Variants in CTH observed in about 807,000 individuals in gnomAD.
CTH encodes the protein cystathionine gamma-lyase, also known as cystathionase (cystathionine gamma-lyase).
In CTH, 41 loss-of-function variants were observed where a neutral mutation model predicts 50.6. The ratio of observed to expected loss-of-function variants is 0.81; its 90% CI spans 0.63 to 1.05. The LOEUF is 1.05. CTH is among the 50% of genes least tolerant of loss of function. CTH has a pLI of 0.00. For synonymous variants in CTH, 156 were observed against 168.9 expected, an observed-to-expected ratio of 0.92 and a Z score of 0.59; for missense variants, 470 against 492.6, an observed-to-expected ratio of 0.95 and a Z score of 0.43.
intron 5 of CTH, among the ~76,000 whole-genome samples, chr1:70,425,706 G>A (rs79687430): frequency 0.077 from 11,671 of 152,144 alleles, 528 homozygotes; most frequent in East Asian, 0.18. Context: ...GACCAGAGTA[G>A]GAGCAAGAGA....
intron 7 of CTH, among the ~76,000 whole-genome samples, 193 bp downstream of exon 7, chr1:70,430,587 G>C (rs1422035005): frequency 6.6e-6 from 1 of 151,676 alleles, no homozygotes. Flanking sequence ...TGTTGCCCAG[G>C]CGGGAGTGAA....
chr1:70,411,656 T>G, intron 1 of CTH, 73 bp downstream of exon 1: 2 of 1,557,346 alleles, frequency 1.3e-6, no homozygotes, highest in Non-Finnish European at 1.7e-6. Flanking sequence ...TTGAAAGGCA[T>G]GTAAGTAATT....
intron 1 of CTH, among the ~76,000 whole-genome samples, chr1:70,412,242 G>A (rs1683982269): frequency 3.3e-5 from 5 of 152,208 alleles, no homozygotes; most frequent in Admixed American, 1.3e-4. Context: ...GCTACACTAT[G>A]CTATCTCTAA....
chr1:70,423,763 T>C (rs76106863), intron 4 of CTH, among the ~76,000 whole-genome samples: 2,445 of 152,312 alleles, frequency 0.016, 27 homozygotes, highest in Non-Finnish European at 0.024. Flanking sequence ...GTCACTTTTC[T>C]TCTTTAGTCT....
At chr1:70,438,650 A>T (rs756118802) in intron 10 of CTH, 38 bp from the exon 11 acceptor site, 2 of 1,612,858 alleles carry the variant, frequency 1.2e-6, no homozygotes, top group South Asian at 2.2e-5. Context: ...CCACTGACAC[A>T]ATATAGTGAT....
chr1:70,415,547 A>T (rs35864483), intron 1 of CTH, among the ~76,000 whole-genome samples: 4,346 of 152,332 alleles, frequency 0.029, 184 homozygotes, highest in African/African-American at 0.097. Flanking sequence ...TAACATAATA[A>T]ACATACTAAT....
rs1355894558 is a variant in CTH at position 70,439,302 on chromosome 1, T to C, written c.*175T>C. On this transcript the variant is annotated 3_prime_UTR_variant, in exon 12 of 12. Coordinates refer to ENST00000370938, the MANE Select transcript of CTH (RefSeq NM_001902.6). The stretch of plus-strand genomic sequence containing the variant: ...CATCTCTGTTAAAAAGTTTTCTGTA[T>C]GTCATGTTATAATTACAGGTCAATT... The C allele has an allele frequency of 1.5e-6, 1 of 646,484 alleles. No individual in the cohort carries two copies. The highest frequency in any genetic ancestry group is 2.8e-6 in the Non-Finnish European group (1 of 361,398). The allele number at this position is 646,484 out of a possible 1,614,324, so 40.0% of individuals were successfully genotyped here. A position where few individuals can be genotyped will look rare whatever the true frequency, so the allele number is the denominator to read the frequency against.
intron 5 of CTH, 37 bp downstream of exon 5, chr1:70,424,453 AC>A: frequency 6.2e-7 from 1 of 1,612,986 alleles, no homozygotes; most frequent in South Asian, 1.1e-5. Context: ...CAATTAGTAG[AC>A]CACATATATC....
At chr1:70,418,221 G>A (rs1455309286) in intron 3 of CTH, among the ~76,000 whole-genome samples, 189 bp downstream of exon 3, 1 of 152,060 alleles carries the variant, frequency 6.6e-6, no homozygotes, top group African/African-American at 2.4e-5. Context: ...TCCATGTTCT[G>A]GAACTGCTTA....
At chr1:70,426,529 A>G (rs923872896) in intron 5 of CTH, among the ~76,000 whole-genome samples, 1 of 152,062 alleles carries the variant, frequency 6.6e-6, no homozygotes, top group African/African-American at 2.4e-5. Context: ...GTTGGTATAA[A>G]CCTGCTTTTC....
At chr1:70,428,684 C>G (rs767757800) in intron 5 of CTH, among the ~76,000 whole-genome samples, 2 of 151,960 alleles carry the variant, frequency 1.3e-5, no homozygotes, top group Non-Finnish European at 2.9e-5. Flanking sequence ...ATGAAAAGCT[C>G]ACTGCAACCT....
intron 10 of CTH, among the ~76,000 whole-genome samples, chr1:70,438,348 G>T (rs1026686558): frequency 2.6e-5 from 4 of 152,088 alleles, no homozygotes; most frequent in African/African-American, 9.7e-5. Flanking sequence ...CATGATTTCT[G>T]GCCAAACTTC....
Position 70,429,645 on chromosome 1 carries a change from C to T in CTH, c.589-149C>T, listed in dbSNP as rs529019533. On this transcript the variant is annotated intron_variant, in intron 5 of 11. Transcript: ENST00000370938. ...GAGGGAGGCAAAGGAGAAATAATATCAGAGATCCTGGAAAATTTTAAGATG... is the reference window on the plus strand; with the variant it reads ...GAGGGAGGCAAAGGAGAAATAATATTAGAGATCCTGGAAAATTTTAAGATG... The T allele has an allele frequency of 9.4e-6, 6 of 640,010 alleles. No individual in the cohort carries two copies. In the South Asian group the frequency reaches 1.1e-4, roughly 12 times the overall value. The allele number at this position is 640,010 out of a possible 1,614,324, so 39.6% of individuals were successfully genotyped here.
chr1:70,436,438 A>G (rs762636847), intron 10 of CTH, among the ~76,000 whole-genome samples: 2 of 152,202 alleles, frequency 1.3e-5, no homozygotes. Context: ...TACTATGACC[A>G]TATGTTGTAA....
At chr1:70,427,776 G>A (rs903206178) in intron 5 of CTH, among the ~76,000 whole-genome samples, 4 of 152,014 alleles carry the variant, frequency 2.6e-5, no homozygotes, top group Non-Finnish European at 4.4e-5. Flanking sequence ...GCAGTGGCGC[G>A]ATCTCAGCTC....
Position 70,432,091 on chromosome 1 carries a change from G to A in CTH, c.733G>A (p.Ala245Thr), listed in dbSNP as rs756762948. ...ATGTGTTCATTTTGCAGCTCTTGGA[G>A]CAGTTCCATCTCCTATTGATTGTTA... ...RLRFLQNSLG[A>T]VPSPIDCYLC... Residue 245 changes from alanine to threonine, a missense_variant, in exon 8 of 12, where the codon GCA becomes ACA. Physicochemically the swap from Ala to Thr is moderately conservative, Grantham distance 58. Coordinates refer to ENST00000370938, the MANE Select transcript of CTH (RefSeq NM_001902.6). 1.9e-6 allele frequency: 3 copies of A among 1,614,020 alleles called. No individual in the cohort carries two copies. Among genetic ancestry groups the A allele is most frequent in the East Asian group, 4.5e-5 (2 of 44,884 alleles).
intron 3 of CTH, among the ~76,000 whole-genome samples, chr1:70,418,752 T>C (rs1684150318): frequency 1.3e-5 from 2 of 152,152 alleles, no homozygotes; most frequent in South Asian, 4.1e-4. Context: ...CTTTTGCTTT[T>C]TATTTTTTGT....
intron 6 of CTH, among the ~76,000 whole-genome samples, 175 bp from the exon 7 acceptor site, chr1:70,430,142 A>T (rs896254647): frequency 6.6e-6 from 1 of 152,204 alleles, no homozygotes; most frequent in Non-Finnish European, 1.5e-5. Context: ...CTTGTTTTAG[A>T]CATAGCTTTT....
intron 1 of CTH, among the ~76,000 whole-genome samples, chr1:70,413,958 T>C (rs768337309): frequency 5.9e-5 from 9 of 151,398 alleles, no homozygotes; most frequent in Non-Finnish European, 1.3e-4. Flanking sequence ...GCCAGGCTGG[T>C]CTTGAAATCC....
Sources: gnomAD v4.1 joint callset for allele counts (sites outside exome capture counted in the v4.1 genomes callset) on GRCh38, gnomAD v4.1.1 for gene constraint, MANE v1.5 for transcripts, NCBI Gene and HGNC (gene_info 2026-07-23, HGNC 2026-07-21) for gene names.